Variants in MTERF4 observed in about 807,000 individuals in gnomAD.
MTERF4 encodes mitochondrial transcription termination factor 4, also known as transcription termination factor 4, mitochondrial.
In MTERF4, 17 loss-of-function variants were observed where a neutral mutation model predicts 22.5. That is an observed-to-expected ratio of 0.75 (90% confidence interval 0.52 to 1.13). The LOEUF (loss-of-function observed/expected upper bound fraction) is 1.13, where lower values mean the gene tolerates loss of function less well. MTERF4 is among the 50% of genes most tolerant of loss of function. The pLI, the probability that MTERF4 is intolerant of heterozygous loss-of-function variation, is 0.00. For missense variants in MTERF4, 420 were observed against 466.8 expected (o/e 0.90, Z 0.92); for synonymous variants, 165 against 175.3 (o/e 0.94, Z 0.47).
At chr2:241,084,397 A>G (rs144803105), downstream of MTERF4, among the ~76,000 whole-genome samples, 13 of 152,062 alleles carry the variant, frequency 8.5e-5, no homozygotes, top group African/African-American at 2.7e-4. Flanking sequence ...CAGGTGATCC[A>G]CCCACCTTGC....
intron 1 of MTERF4, 109 bp downstream of exon 1, chr2:241,102,144 G>A (rs950444166): frequency 6.8e-7 from 1 of 1,479,568 alleles, no homozygotes; most frequent in African/African-American, 1.4e-5. Context: ...ACGGACCTCC[G>A]GGAGGGCTCC....
At chr2:241,101,108 CTTTAT>C (rs1415483937) in intron 1 of MTERF4, 1 of 457,374 alleles carries the variant, frequency 2.2e-6, no homozygotes, top group African/African-American at 2.0e-5. Flanking sequence ...TTGTTGTGCA[CTTTAT>C]TTCTGTTATT....
At chr2:241,095,328 G>C (rs2064345375), downstream of MTERF4, 1 of 152,944 alleles carries the variant, frequency 6.5e-6, no homozygotes, top group African/African-American at 2.4e-5. Flanking sequence ...TGACATAAAA[G>C]CCAACTTCCC....
chr2:241,097,508 TCCA>T, intron 2 of MTERF4, 81 bp from the exon 3 acceptor site: 1 of 1,369,366 alleles, frequency 7.3e-7, no homozygotes. Flanking sequence ...CCAATTTAAG[TCCA>T]CATTTAAAAA....
the MTERF4 span, chr2:241,049,694 C>T: frequency 1.5e-6 from 1 of 680,836 alleles, no homozygotes; most frequent in South Asian, 1.7e-5. Context: ...AGTGTATTTT[C>T]AGTGGCCTTG....
chr2:241,089,787 A>G (rs963358997), downstream of MTERF4, among the ~76,000 whole-genome samples: 1 of 152,266 alleles, frequency 6.6e-6, no homozygotes, highest in African/African-American at 2.4e-5. Flanking sequence ...ATCATAGCGC[A>G]TACTTAGAAC....
At chr2:241,054,731 A>C in the MTERF4 span, among the ~76,000 whole-genome samples, 1 of 152,272 alleles carries the variant, frequency 6.6e-6, no homozygotes, top group East Asian at 1.9e-4. Context: ...ATAATTTATA[A>C]ATGGATGCAG....
At chr2:241,052,309 C>A in the MTERF4 span, 3 of 1,514,770 alleles carry the variant, frequency 2.0e-6, no homozygotes, top group Non-Finnish European at 2.7e-6. Context: ...CAGTCCCGAG[C>A]CTTCAGGGAA....
At chr2:241,067,620 T>G, downstream of MTERF4, 1 of 602,656 alleles carries the variant, frequency 1.7e-6, no homozygotes, top group South Asian at 2.8e-5. Context: ...TCAGCCCGAG[T>G]TCCCTGAGCA....
chr2:241,052,264 G>A, the MTERF4 span: 559 of 1,418,884 alleles, frequency 3.9e-4, no homozygotes, highest in Non-Finnish European at 4.2e-4. Context: ...AGGCGCAGGA[G>A]GTGGAGCTGG....
downstream of MTERF4, chr2:241,072,047 G>A (rs535449239): frequency 3.5e-5 from 25 of 717,906 alleles, no homozygotes; most frequent in Admixed American, 1.2e-4. Flanking sequence ...GTGGGCCGCC[G>A]GCAGCATGCA....
chr2:241,064,871 G>A, the MTERF4 span: 2 of 1,589,300 alleles, frequency 1.3e-6, no homozygotes, highest in Non-Finnish European at 1.7e-6. This position sits in a 1 kb window ranked among gnomAD's most constrained non-coding sequence, Gnocchi z 7.0. Flanking sequence ...TCCAGCCCCT[G>A]TGGGGGCCGT....
At chr2:241,066,187 C>T in the MTERF4 span, among the ~76,000 whole-genome samples, 2 of 152,106 alleles carry the variant, frequency 1.3e-5, no homozygotes, top group Admixed American at 1.3e-4. Context: ...CTAGGAGGAG[C>T]CTCCTCAGAG....
chr2:241,055,633 C>G, the MTERF4 span, among the ~76,000 whole-genome samples: 79 of 152,300 alleles, frequency 5.2e-4, no homozygotes, highest in African/African-American at 1.8e-3. Flanking sequence ...CTTTCATCCT[C>G]CAGCCAAATT....
At chr2:241,044,379 G>A in the MTERF4 span, among the ~76,000 whole-genome samples, 1 of 152,182 alleles carries the variant, frequency 6.6e-6, no homozygotes, top group Admixed American at 6.5e-5. Flanking sequence ...AAAAGATAGA[G>A]TAAGCACAGT....
downstream of MTERF4, chr2:241,070,021 G>C (rs770314247): frequency 6.2e-7 from 1 of 1,613,020 alleles, no homozygotes; most frequent in Non-Finnish European, 8.5e-7. Flanking sequence ...GGAGGCTTAT[G>C]TCATCAATGT....
chr2:241,071,955 C>A, downstream of MTERF4: 1 of 1,206,422 alleles, frequency 8.3e-7, no homozygotes, highest in South Asian at 1.3e-5. Flanking sequence ...GTCCTGTCCC[C>A]TACATGATGA....
chr2:241,062,615 C>T, the MTERF4 span, among the ~76,000 whole-genome samples: 1 of 152,206 alleles, frequency 6.6e-6, no homozygotes, highest in African/African-American at 2.4e-5. Flanking sequence ...AGGCACTGAG[C>T]CCCAGGCCCA....
chr2:241,053,440 G>C, the MTERF4 span: 7 of 1,081,178 alleles, frequency 6.5e-6, no homozygotes, highest in South Asian at 7.8e-5. Flanking sequence ...GCTCTGACCT[G>C]GTCCTGCCCC....
Sources: allele counts gnomAD v4.1 joint callset (sites outside exome capture counted in the v4.1 genomes callset), GRCh38; gene constraint gnomAD v4.1.1; non-coding constraint Gnocchi (gnomAD v3.1); transcripts MANE v1.5; gene names NCBI Gene and HGNC (gene_info 2026-07-23, HGNC 2026-07-21).